Variants in ATP2C1 observed in about 807,000 individuals in gnomAD.
ATP2C1 encodes the protein ATPase secretory pathway Ca2+ transporting 1.
In ATP2C1, 31 loss-of-function variants were observed where a neutral mutation model predicts 120.5. The ratio of observed to expected loss-of-function variants is 0.26; its 90% CI spans 0.19 to 0.35. The LOEUF (loss-of-function observed/expected upper bound fraction) is 0.35, where lower values mean the gene tolerates loss of function less well. Among genes scored for constraint, ATP2C1 ranks in the 10% least tolerant of loss-of-function variants. The pLI is 1.00. For synonymous variants in ATP2C1, 351 were observed against 358.7 expected, an observed-to-expected ratio of 0.98 and a Z score of 0.24; for missense variants, 731 against 1,107.5, an observed-to-expected ratio of 0.66 and a Z score of 4.83.
chr3:130,993,928 C>T lies in ATP2C1; in HGVS notation c.1891-4C>T. The T allele has an allele frequency of 1.2e-6, 2 of 1,614,096 alleles. No homozygotes were observed. The highest frequency in any genetic ancestry group is 1.3e-5 in the African/African-American group (1 of 75,048). On this transcript the variant is annotated splice_polypyrimidine_tract_variant and splice_region_variant and intron_variant, in intron 21 of 27. Coordinates refer to ENST00000510168, the MANE Select transcript of ATP2C1 (RefSeq NM_001378687.1). ...CCTCTCCCCTGTCCTCTGCTCCACT[C>T]TAGTCGCTACAGAAGAACGGTTCAG...
At chr3:130,965,082 A>G (rs371504953) in intron 14 of ATP2C1, 37 bp downstream of exon 14, 1 of 1,458,134 alleles carries the variant, frequency 6.9e-7, no homozygotes. Context: ...CAAAAACAGT[A>G]TCCCTTTAAG....
intron 7 of ATP2C1, among the ~76,000 whole-genome samples, chr3:130,941,260 G>GTGTGTGTC (rs1553764257): frequency 7.5e-6 from 1 of 133,056 alleles, no homozygotes; most frequent in African/African-American, 2.7e-5. Flanking sequence ...GTGTGTGTGT[G>GTGTGTGTC]TGTGTCTGTG....
At chr3:130,873,617 A>T (rs1157991783) in intron 1 of ATP2C1, among the ~76,000 whole-genome samples, 1 of 152,170 alleles carries the variant, frequency 6.6e-6, no homozygotes, top group East Asian at 1.9e-4. Context: ...TTTTTTAAAA[A>T]CTCAAATGTC....
chr3:130,891,705 T>C (rs2069173979), upstream of ATP2C1, among the ~76,000 whole-genome samples: 1 of 152,240 alleles, frequency 6.6e-6, no homozygotes, highest in Admixed American at 6.5e-5. Context: ...ATTTGCAACC[T>C]GTGTTCACTT....
intron 20 of ATP2C1, among the ~76,000 whole-genome samples, chr3:130,989,196 G>A (rs1304917544): frequency 8.8e-5 from 13 of 147,178 alleles, no homozygotes; most frequent in Non-Finnish European, 1.8e-4. Flanking sequence ...GTAGTGAGCC[G>A]AGATTGCGCC....
chr3:130,967,160 T>A lies in ATP2C1; in HGVS notation c.1138T>A (p.Tyr380Asn), dbSNP rs748730412. The A allele has an allele frequency of 1.7e-5, 27 of 1,613,236 alleles. No individual in the cohort carries two copies. The highest frequency in any genetic ancestry group is 6.7e-5 in the Admixed American group (4 of 59,982). Residue 380 changes from tyrosine (Y) to asparagine (N), a missense_variant, in exon 15 of 28, where the codon TAT (tyrosine) becomes AAT (asparagine). This residue lies in a region of ATP2C1 where 571 missense variants were observed against 845.9 expected (regional missense o/e 0.67). Transcript: ENST00000510168. ...GLHAEVTGVG[Y>N]NQFGEVIVDG... The stretch of plus-strand genomic sequence containing the variant: ...TGATCTTTAGGTTACTGGAGTTGGC[T>A]ATAATCAATTTGGGGAAGTGATTGT...
intron 8 of ATP2C1, among the ~76,000 whole-genome samples, chr3:130,945,453 G>A (rs147195420): frequency 0.026 from 3,971 of 151,546 alleles, 181 homozygotes; most frequent in African/African-American, 0.091. Context: ...CCATGTTGGT[G>A]TGCAGCACCC....
At chr3:130,866,423 A>G (rs1176651252) in intron 1 of ATP2C1, among the ~76,000 whole-genome samples, 3 of 152,240 alleles carry the variant, frequency 2.0e-5, no homozygotes, top group Non-Finnish European at 4.4e-5. Flanking sequence ...ATGGCATTTT[A>G]TCCTTACTTT....
At chr3:130,863,767 T>G (rs2068085926) in intron 1 of ATP2C1, among the ~76,000 whole-genome samples, 1 of 152,070 alleles carries the variant, frequency 6.6e-6, no homozygotes, top group African/African-American at 2.4e-5. Flanking sequence ...TTATCAGGGG[T>G]TTCTGCTTTT....
chr3:130,972,495 T>C (rs1404398490), intron 17 of ATP2C1, among the ~76,000 whole-genome samples: 3 of 151,746 alleles, frequency 2.0e-5, no homozygotes, highest in East Asian at 3.9e-4. Flanking sequence ...TTATATACTT[T>C]AAGTTTTAGG....
intron 2 of ATP2C1, among the ~76,000 whole-genome samples, chr3:130,900,910 G>C (rs2057790602): frequency 2.6e-5 from 4 of 152,122 alleles, no homozygotes; most frequent in African/African-American, 7.2e-5. Flanking sequence ...CATTTCACTA[G>C]ATTTTGTTTG....
rs777319490 is a variant in ATP2C1 at position 130,894,795 on chromosome 3, C to A, written c.6+20C>A. 6.2e-7 allele frequency: 1 copy of A among 1,610,094 alleles called. No individual in the cohort carries two copies. On this transcript the variant is annotated intron_variant, in intron 2 of 27. Coordinates refer to ENST00000510168, the MANE Select transcript of ATP2C1 (RefSeq NM_001378687.1). The surrounding 1 kb of genome is among the most constrained non-coding windows in gnomAD (Gnocchi z 4.5). ...ATGAAGGTAAAGGCCCCTGGCCGACCGGTTGCAACGCGGAGTTGAGGGTGT... is the reference window on the plus strand; with the variant it reads ...ATGAAGGTAAAGGCCCCTGGCCGACAGGTTGCAACGCGGAGTTGAGGGTGT...
intron 24 of ATP2C1, 93 bp downstream of exon 24, chr3:130,996,889 G>A (rs2062646158): frequency 2.2e-6 from 2 of 902,832 alleles, no homozygotes; most frequent in South Asian, 1.3e-5. Flanking sequence ...GACAGTGTTG[G>A]AAAACTTTGC....
rs1293862088 is a variant in ATP2C1 at position 130,894,158 on chromosome 3, C to T, written c.-360C>T. 3 of 649,818 alleles carry T rather than the reference C, an allele frequency of 4.6e-6. No individual in the cohort carries two copies. Among genetic ancestry groups the T allele is most frequent in the Non-Finnish European group, 5.7e-6 (3 of 523,486 alleles). The allele number at this position is 649,818 out of a possible 1,614,324, so 40.3% of individuals were successfully genotyped here. A position where few individuals can be genotyped will look rare whatever the true frequency, so the allele number is the denominator to read the frequency against. The stretch of plus-strand genomic sequence containing the variant: ...CTCACCTCCTCTTCTCTCCCCTCCC[C>T]GCCCGCCCTCTCTCCCTCCCTTCCT... On this transcript the variant is annotated 5_prime_UTR_variant, in exon 1 of 28. Transcript: ENST00000510168. The surrounding 1 kb of genome is among the most constrained non-coding windows in gnomAD (Gnocchi z 4.5).
intron 1 of ATP2C1, among the ~76,000 whole-genome samples, chr3:130,852,031 A>G (rs775238493): frequency 3.9e-5 from 6 of 152,224 alleles, no homozygotes; most frequent in Non-Finnish European, 7.3e-5. Flanking sequence ...AACTGCTTGT[A>G]TGCCCTGCTT....
chr3:131,003,197 G>A, downstream of ATP2C1: 4 of 967,610 alleles, frequency 4.1e-6, no homozygotes, highest in Non-Finnish European at 4.9e-6. Context: ...CCATATGGAT[G>A]CTGAAGATAC....
chr3:130,860,097 A>C (rs2067967760), intron 1 of ATP2C1, among the ~76,000 whole-genome samples: 1 of 152,246 alleles, frequency 6.6e-6, no homozygotes, highest in Non-Finnish European at 1.5e-5. Context: ...GCCCTAATAC[A>C]GTTAATGTAT....
intron 17 of ATP2C1, 144 bp from the exon 18 acceptor site, chr3:130,975,188 T>G: frequency 4.0e-6 from 3 of 754,684 alleles, no homozygotes; most frequent in East Asian, 2.6e-5. Flanking sequence ...TATTTAATCT[T>G]CAGAGTTCAG....
rs775717857 is a variant in ATP2C1 at position 130,997,638 on chromosome 3, T to G, written c.2276T>G (p.Ile759Ser). The change falls in exon 25 of 28, where the codon ATT (isoleucine) becomes AGT (serine). Residue 759 changes from isoleucine to serine, a missense_variant. Ile to Ser is a moderately radical substitution (Grantham distance 142). This residue lies in a region of ATP2C1 where 141 missense variants were observed against 201.6 expected (regional missense o/e 0.70). Transcript: ENST00000510168. ...GTAGAACCAGTGGATAAAGATGTCATTCGTAAACCTCCTCGCAACTGGAAA... is the reference window on the plus strand; with the variant it reads ...GTAGAACCAGTGGATAAAGATGTCAGTCGTAAACCTCCTCGCAACTGGAAA... ...LGVEPVDKDV[I>S]RKPPRNWKDS... is the part of the protein sequence containing the mutation. 6.2e-7 allele frequency: 1 copy of G among 1,613,736 alleles called. No individual in the cohort carries two copies. The highest frequency in any genetic ancestry group is 8.5e-7 in the Non-Finnish European group (1 of 1,179,774).
Sources: allele counts gnomAD v4.1 joint callset (sites outside exome capture counted in the v4.1 genomes callset), GRCh38; gene constraint gnomAD v4.1.1; regional missense constraint gnomAD v4.1.1; non-coding constraint Gnocchi (gnomAD v3.1); transcripts MANE v1.5; gene names NCBI Gene and HGNC (gene_info 2026-07-23, HGNC 2026-07-21).